Variants in SLC9B2 observed in about 807,000 individuals in gnomAD.
The protein encoded by SLC9B2 is solute carrier family 9 member B2, also known as sodium/hydrogen exchanger 9B2.
SLC9B2 carries 39 observed loss-of-function variants against 52.2 expected under a neutral mutation model. The ratio of observed to expected loss-of-function variants is 0.75; its 90% CI spans 0.58 to 0.98. The LOEUF (loss-of-function observed/expected upper bound fraction) is 0.98. Among genes scored for constraint, SLC9B2 ranks in the 50% least tolerant of loss-of-function variants. The pLI, the probability that SLC9B2 is intolerant of heterozygous loss-of-function variation, is 0.00. For missense variants in SLC9B2, 626 were observed against 637.5 expected, an observed-to-expected ratio of 0.98 and a Z score of 0.19; for synonymous variants, 214 against 227.0, an observed-to-expected ratio of 0.94 and a Z score of 0.51.
At chr4:103,073,675 T>C (rs1247036923) in intron 1 of SLC9B2, among the ~76,000 whole-genome samples, 1 of 152,242 alleles carries the variant, frequency 6.6e-6, no homozygotes, top group East Asian at 1.9e-4. Context: ...GAAAACACTA[T>C]ATAATGAGAT....
downstream of SLC9B2, among the ~76,000 whole-genome samples, chr4:103,019,031 GC>G (rs962994136): frequency 6.6e-5 from 10 of 152,194 alleles, no homozygotes; most frequent in Middle Eastern, 3.4e-3. Flanking sequence ...ATCCCATCTT[GC>G]CCCCCACCCC....
At chr4:103,038,996 TAAC>T (rs1743402854) in intron 9 of SLC9B2, among the ~76,000 whole-genome samples, 1 of 152,230 alleles carries the variant, frequency 6.6e-6, no homozygotes, top group South Asian at 2.1e-4. Flanking sequence ...TCTAATAAGT[TAAC>T]AACAATATTG....
chr4:103,046,334 G>C (rs1000521632), intron 7 of SLC9B2, among the ~76,000 whole-genome samples: 3 of 152,158 alleles, frequency 2.0e-5, no homozygotes, highest in African/African-American at 4.8e-5. Context: ...TGTACCACAG[G>C]ATAATAAAAG....
chr4:103,048,454 T>C (rs1402399177), intron 6 of SLC9B2: 1 of 152,590 alleles, frequency 6.6e-6, no homozygotes, highest in African/African-American at 2.4e-5. Context: ...TCCTGTCTTA[T>C]TTATTTACTT....
chr4:103,020,803 G>C (rs1020693145), downstream of SLC9B2, among the ~76,000 whole-genome samples: 1 of 151,932 alleles, frequency 6.6e-6, no homozygotes, highest in Non-Finnish European at 1.5e-5. Flanking sequence ...GCTAATTTTT[G>C]TATTTTTAGT....
chr4:103,040,642 T>A (rs528212122), intron 9 of SLC9B2, among the ~76,000 whole-genome samples: 6 of 152,288 alleles, frequency 3.9e-5, no homozygotes, highest in African/African-American at 1.4e-4. Flanking sequence ...CAACACACAT[T>A]ATACTTTGGA....
chr4:103,047,059 A>T lies in SLC9B2; in HGVS notation c.881T>A (p.Phe294Tyr). ...TGAACTGATTAGGTTACCTGTGGAA[A>T]AGGCTATGCCCAAGCATGTGTTGAA... ...TGFNTCLGIA[F>Y]STGSTVFNVL... The change falls in exon 7 of 12, where the codon TTT becomes TAT. Residue 294 changes from phenylalanine (F) to tyrosine (Y), a missense_variant. Phe to Tyr is a conservative substitution (Grantham distance 22). Coordinates refer to ENST00000394785, the MANE Select transcript of SLC9B2 (RefSeq NM_178833.7). 1 of 1,613,900 alleles carries T rather than the reference A, an allele frequency of 6.2e-7. No individual in the cohort carries two copies.
intron 3 of SLC9B2, among the ~76,000 whole-genome samples, chr4:103,064,005 G>C (rs1188742631): frequency 2.0e-5 from 3 of 152,186 alleles, no homozygotes; most frequent in African/African-American, 7.2e-5. Flanking sequence ...CAAGGGGTTG[G>C]CAAGGATGTA....
chr4:103,046,643 C>A (rs957284286), intron 7 of SLC9B2, among the ~76,000 whole-genome samples: 3 of 152,040 alleles, frequency 2.0e-5, no homozygotes, highest in Non-Finnish European at 4.4e-5. Flanking sequence ...CTTGAAAAAC[C>A]CACTCATATT....
intron 9 of SLC9B2, among the ~76,000 whole-genome samples, chr4:103,039,983 T>A (rs1300052265): frequency 6.6e-6 from 1 of 152,114 alleles, no homozygotes; most frequent in Non-Finnish European, 1.5e-5. Flanking sequence ...TGTCACTTAC[T>A]TTTTGTCCTT....
At chr4:103,067,731 G>C (rs1746273524) in intron 1 of SLC9B2, 139 bp from the exon 2 acceptor site, 1 of 571,326 alleles carries the variant, frequency 1.8e-6, no homozygotes. Context: ...AATTTTCAAT[G>C]GCTGGTTATT....
chr4:103,036,267 G>A (rs756326787), intron 9 of SLC9B2, among the ~76,000 whole-genome samples: 4 of 152,180 alleles, frequency 2.6e-5, no homozygotes, highest in African/African-American at 9.7e-5. Context: ...GCTAATTAAT[G>A]CAGGAACAGA....
intron 9 of SLC9B2, among the ~76,000 whole-genome samples, chr4:103,037,324 C>G (rs1171066984): frequency 6.6e-6 from 1 of 152,078 alleles, no homozygotes; most frequent in Non-Finnish European, 1.5e-5. Context: ...GAACTTAGCT[C>G]TTGTTTATAC....
intron 1 of SLC9B2, 103 bp from the exon 2 acceptor site, chr4:103,067,695 A>G (rs1746270208): frequency 7.6e-6 from 5 of 656,428 alleles, no homozygotes; most frequent in East Asian, 5.6e-5. Context: ...CCGAATGGCT[A>G]AACTATTTGA....
intron 9 of SLC9B2, among the ~76,000 whole-genome samples, chr4:103,040,166 T>C (rs1743513970): frequency 6.6e-6 from 1 of 152,178 alleles, no homozygotes; most frequent in South Asian, 2.1e-4. Context: ...CAGATCTGAC[T>C]ACATGAAAAT....
At chr4:103,072,722 T>G (rs921817173) in intron 1 of SLC9B2, among the ~76,000 whole-genome samples, 14 of 152,228 alleles carry the variant, frequency 9.2e-5, no homozygotes, top group Admixed American at 9.2e-4. Context: ...AGACTTTTTA[T>G]TCTTGCTATT....
chr4:103,072,098 G>C (rs1270243088), intron 1 of SLC9B2, among the ~76,000 whole-genome samples: 1 of 85,400 alleles, frequency 1.2e-5, no homozygotes, highest in Non-Finnish European at 2.2e-5. Context: ...TCGCTCTTTT[G>C]CCCAGGCTGG....
At chr4:103,075,725 T>C (rs1033262892) in intron 1 of SLC9B2, among the ~76,000 whole-genome samples, 6 of 152,122 alleles carry the variant, frequency 3.9e-5, no homozygotes, top group Non-Finnish European at 7.4e-5. Context: ...TCCAAGGTCT[T>C]AGGGGATAGC....
At chr4:103,020,312 A>G (rs1319021827), downstream of SLC9B2, 1 of 442,944 alleles carries the variant, frequency 2.3e-6, no homozygotes, top group Non-Finnish European at 4.5e-6. Context: ...AAGAAATGAA[A>G]GCGGAGCTGC....
Sources: gnomAD v4.1 joint callset for allele counts (sites outside exome capture counted in the v4.1 genomes callset) on GRCh38, gnomAD v4.1.1 for gene constraint, MANE v1.5 for transcripts, NCBI Gene and HGNC (gene_info 2026-07-23, HGNC 2026-07-21) for gene names.